CSMD1: variants seen among roughly 807,000 people sequenced by gnomAD.
CSMD1 encodes CUB and sushi domain-containing protein 1.
CSMD1 carries 213 observed loss-of-function variants against 417.5 expected under a neutral mutation model. That is an observed-to-expected ratio of 0.51 (90% CI 0.46 to 0.57). The LOEUF (loss-of-function observed/expected upper bound fraction) is 0.57. CSMD1 is among the 20% of genes least tolerant of loss of function. The pLI is 0.00. For missense variants in CSMD1, 6,923 were observed against 4,529.7 expected, an observed-to-expected ratio of 1.53 and a Z score of -15.17; for synonymous variants, 2,862 against 1,736.8, an observed-to-expected ratio of 1.65 and a Z score of -16.11.
At chr8:4,747,784 C>T (rs1811051635) in intron 1 of CSMD1, among the ~76,000 whole-genome samples, 1 of 152,072 alleles carries the variant, frequency 6.6e-6, no homozygotes, top group African/African-American at 2.4e-5. Context: ...GGGATAGAGG[C>T]TAAAAAAAAC....
chr8:4,904,751 A>G (rs948308082), intron 1 of CSMD1, among the ~76,000 whole-genome samples: 2 of 152,196 alleles, frequency 1.3e-5, no homozygotes, highest in Admixed American at 6.5e-5. Flanking sequence ...AAAAAAACAA[A>G]AACACCTTTA....
At chr8:4,758,927 G>A (rs1441492577) in intron 1 of CSMD1, among the ~76,000 whole-genome samples, 1 of 152,206 alleles carries the variant, frequency 6.6e-6, no homozygotes, top group African/African-American at 2.4e-5. Context: ...GGGATGAGGG[G>A]GATTTCAGTA....
Position 3,147,593 on chromosome 8 carries a change from G to C in CSMD1, c.6031+3804C>G, listed in dbSNP as rs147661930. Among the ~76,000 whole-genome samples the C allele has an allele frequency of 1.2e-3, 176 of 152,312 alleles. 2 individuals are homozygous for C. The highest frequency in any genetic ancestry group is 1.5e-3 in the Admixed American group (23 of 15,304). ...ACATTGTAACAGCACAACCGCCATT[G>C]AGGCTTCCTGCACACAGTAAAATTT... On this transcript the variant is annotated intron_variant, in intron 40 of 69. Coordinates refer to ENST00000635120, the MANE Select transcript of CSMD1 (RefSeq NM_033225.6).
chr8:4,134,495 A>C (rs2680594), intron 3 of CSMD1, among the ~76,000 whole-genome samples: 146,820 of 152,262 alleles, frequency 0.96, 71,012 homozygotes, highest in South Asian at 1. Context: ...TTGATCTCCG[A>C]CTTCCAGCCT....
chr8:3,276,242 G>A (rs143172376), intron 26 of CSMD1, among the ~76,000 whole-genome samples: 85 of 152,238 alleles, frequency 5.6e-4, no homozygotes, highest in African/African-American at 1.9e-3. Flanking sequence ...AGGCTTCTTG[G>A]GGGTCAGGGA....
At chr8:3,448,133 C>G (rs68110968) in intron 12 of CSMD1, among the ~76,000 whole-genome samples, 16,534 of 150,366 alleles carry the variant, frequency 0.11, 1,097 homozygotes, top group East Asian at 0.26. Context: ...TGCTGTCAAT[C>G]CAAGTGAGGG....
At chr8:4,296,622 ATT>A in intron 3 of CSMD1, among the ~76,000 whole-genome samples, 1 of 71,112 alleles carries the variant, frequency 1.4e-5, no homozygotes, top group East Asian at 4.8e-4. Flanking sequence ...ATAGTTTGTT[ATT>A]TAGTTAATAT....
intron 8 of CSMD1, among the ~76,000 whole-genome samples, chr8:3,597,542 G>A (rs116929112): frequency 1.4e-3 from 211 of 152,228 alleles, no homozygotes; most frequent in Non-Finnish European, 2.4e-3. Flanking sequence ...TCACCACAAT[G>A]CAAGGTACTG....
intron 3 of CSMD1, among the ~76,000 whole-genome samples, chr8:4,322,259 A>G (rs948833472): frequency 6.6e-6 from 1 of 152,228 alleles, no homozygotes; most frequent in Admixed American, 6.5e-5. Flanking sequence ...TGTATTTAAA[A>G]TAGTTTAAAC....
chr8:4,903,021 AAATAAATAAATAAAT>A (rs1295832508), intron 1 of CSMD1, among the ~76,000 whole-genome samples: 2 of 44,820 alleles, frequency 4.5e-5, no homozygotes, highest in Non-Finnish European at 1.5e-4. Flanking sequence ...ATAAATAAAT[AAATAAATAAATAAAT>A]AATAAACTAA....
chr8:3,740,532 A>G (rs1329242494), intron 6 of CSMD1, among the ~76,000 whole-genome samples: 1 of 152,178 alleles, frequency 6.6e-6, no homozygotes, highest in African/African-American at 2.4e-5. Flanking sequence ...TGATATACAG[A>G]CGGAAAGGAG....
intron 5 of CSMD1, among the ~76,000 whole-genome samples, chr8:3,876,298 G>C (rs967654889): frequency 3.3e-5 from 5 of 152,144 alleles, no homozygotes; most frequent in Admixed American, 1.3e-4. Context: ...TTTAGAATTA[G>C]TATGGGAAAA....
chr8:3,020,971 C>G (rs1000149991), intron 51 of CSMD1, among the ~76,000 whole-genome samples: 2 of 152,188 alleles, frequency 1.3e-5, no homozygotes, highest in Non-Finnish European at 2.9e-5. Flanking sequence ...TTTCATTAAG[C>G]CTTTTCCCAA....
At chr8:4,415,815 T>C (rs574173038) in intron 3 of CSMD1, among the ~76,000 whole-genome samples, 14 of 152,306 alleles carry the variant, frequency 9.2e-5, no homozygotes, top group African/African-American at 3.1e-4. Context: ...ATGTGCATTT[T>C]TGAGTATGTA....
intron 3 of CSMD1, among the ~76,000 whole-genome samples, 183 bp from the exon 4 acceptor site, chr8:4,032,282 G>A (rs375289438): frequency 1.3e-5 from 2 of 152,166 alleles, no homozygotes; most frequent in African/African-American, 4.8e-5. Context: ...AATATCTGCA[G>A]TATAACACTT....
intron 12 of CSMD1, among the ~76,000 whole-genome samples, chr8:3,420,750 G>A (rs1029203630): frequency 6.6e-6 from 1 of 152,104 alleles, no homozygotes; most frequent in African/African-American, 2.4e-5. Context: ...CATAGGTTAT[G>A]GAATACTAAG....
At chr8:3,946,376 C>G (rs77619020) in intron 5 of CSMD1, among the ~76,000 whole-genome samples, 1 of 152,080 alleles carries the variant, frequency 6.6e-6, no homozygotes, top group African/African-American at 2.4e-5. Flanking sequence ...GCTGGCCTGT[C>G]TCTGGATTTT....
Position 3,078,498 on chromosome 8 carries a change from G to C in CSMD1, c.7474+8599C>G, listed in dbSNP as rs182100097. Among the ~76,000 whole-genome samples, 4 of 152,292 alleles carry C rather than the reference G, an allele frequency of 2.6e-5. No homozygotes were observed. In the East Asian group the frequency reaches 7.7e-4, roughly 29 times the overall value. On this transcript the variant is annotated intron_variant, in intron 49 of 69. Transcript: ENST00000635120. ...AAAGTAACTGATATTGACGGCGTTG[G>C]ACTCTGCGTTTCAGTCTGATCTTGG...
intron 5 of CSMD1, among the ~76,000 whole-genome samples, chr8:3,946,529 G>C (rs1353336745): frequency 1.3e-5 from 2 of 152,016 alleles, no homozygotes; most frequent in Non-Finnish European, 2.9e-5. Context: ...AATTTCATAT[G>C]AATTTTACAA....
Sources: allele counts gnomAD v4.1 joint callset (sites outside exome capture counted in the v4.1 genomes callset), GRCh38; gene constraint gnomAD v4.1.1; transcripts MANE v1.5; gene names NCBI Gene and HGNC (gene_info 2026-07-23, HGNC 2026-07-21).